FHIT: variants seen among roughly 807,000 people sequenced by gnomAD.
FHIT encodes the protein fragile histidine triad diadenosine triphosphatase.
In FHIT, 19 loss-of-function variants were observed where a neutral mutation model predicts 17.9. The observed-to-expected ratio is 1.06, with a 90% CI of 0.74 to 1.56. The LOEUF (loss-of-function observed/expected upper bound fraction) is 1.56. Among genes scored for constraint, FHIT ranks in the 40% most tolerant of loss-of-function variants. The pLI, the probability that FHIT is intolerant of heterozygous loss-of-function variation, is 0.00. For synonymous variants in FHIT, 81 were observed against 69.7 expected, an observed-to-expected ratio of 1.16 and a Z score of -0.81; for missense variants, 248 against 189.2, an observed-to-expected ratio of 1.31 and a Z score of -1.82.
intron 2 of FHIT, among the ~76,000 whole-genome samples, chr3:61,055,188 T>G (rs10510859): frequency 1.2e-4 from 18 of 151,870 alleles, no homozygotes; most frequent in African/African-American, 3.6e-4. Flanking sequence ...TGTTGAGTTT[T>G]CCTAAATCTA....
At chr3:60,072,015 T>C (rs992940899) in intron 5 of FHIT, among the ~76,000 whole-genome samples, 1 of 152,192 alleles carries the variant, frequency 6.6e-6, no homozygotes, top group African/African-American at 2.4e-5. Context: ...ACCTCTTCCC[T>C]TTATGATTTA....
intron 2 of FHIT, among the ~76,000 whole-genome samples, chr3:61,101,881 T>C (rs1197840241): frequency 6.6e-6 from 1 of 152,122 alleles, no homozygotes; most frequent in Non-Finnish European, 1.5e-5. Context: ...GTAGGAATGC[T>C]TGTGATTTTT....
At chr3:59,806,255 T>C (rs1319210050) in intron 8 of FHIT, among the ~76,000 whole-genome samples, 1 of 152,136 alleles carries the variant, frequency 6.6e-6, no homozygotes, top group Non-Finnish European at 1.5e-5. Context: ...ACATGTGTTA[T>C]GTGGCAAGAG....
intron 4 of FHIT, among the ~76,000 whole-genome samples, chr3:60,665,155 A>G (rs928322253): frequency 1.3e-5 from 2 of 151,982 alleles, no homozygotes; most frequent in African/African-American, 4.8e-5. Context: ...TGGATAACAC[A>G]TTCTGTAAAA....
intron 5 of FHIT, among the ~76,000 whole-genome samples, chr3:60,229,598 T>C (rs2107549654): frequency 6.6e-6 from 1 of 152,228 alleles, no homozygotes; most frequent in South Asian, 2.1e-4. Flanking sequence ...CTTCTGTCTT[T>C]AGAAGGGGAC....
At position 60,183,137 on chromosome 3, in the gene FHIT, C is replaced by A. The variant is rs556447745; in HGVS notation, c.104-168985G>T. Among the ~76,000 whole-genome samples the A allele has an allele frequency of 7.2e-5, 11 of 152,234 alleles. 1 individual carries two copies. Among genetic ancestry groups the A allele is most frequent in the African/African-American group, 2.6e-4 (11 of 41,546 alleles). Reference sequence around the variant, plus strand: ...AGCTGGCCAGGCACGGTGGCTCACACCTGCAATCCCAGCACTTTGGGAGGC... The same window carrying A: ...AGCTGGCCAGGCACGGTGGCTCACAACTGCAATCCCAGCACTTTGGGAGGC... On this transcript the variant is annotated intron_variant, in intron 5 of 9. Transcript: ENST00000492590.
At chr3:59,827,819 T>C (rs754008024) in intron 8 of FHIT, among the ~76,000 whole-genome samples, 2 of 152,358 alleles carry the variant, frequency 1.3e-5, no homozygotes, top group Non-Finnish European at 2.9e-5. Context: ...CTACAGATAA[T>C]GTATATTTTT....
intron 5 of FHIT, among the ~76,000 whole-genome samples, chr3:60,338,369 T>C (rs1399716601): frequency 6.6e-6 from 1 of 152,204 alleles, no homozygotes; most frequent in Non-Finnish European, 1.5e-5. Context: ...TATTTATTTA[T>C]TTACTTATTT....
chr3:60,574,705 C>T (rs2037508029), intron 4 of FHIT, among the ~76,000 whole-genome samples: 1 of 152,068 alleles, frequency 6.6e-6, no homozygotes, highest in East Asian at 1.9e-4. Context: ...CCCTGTACCC[C>T]TTCATTCCTG....
intron 7 of FHIT, among the ~76,000 whole-genome samples, chr3:59,967,387 C>T (rs1287590895): frequency 6.6e-6 from 1 of 152,106 alleles, no homozygotes; most frequent in African/African-American, 2.4e-5. Context: ...TTTTATACGA[C>T]TGGCAGCATA....
At chr3:60,041,725 G>C (rs60458864) in intron 5 of FHIT, among the ~76,000 whole-genome samples, 3 of 151,952 alleles carry the variant, frequency 2.0e-5, no homozygotes, top group Non-Finnish European at 4.4e-5. Context: ...AAGAAACTTG[G>C]ATTTCTGTTG....
intron 1 of FHIT, among the ~76,000 whole-genome samples, chr3:61,231,190 T>C (rs1311233363): frequency 4.6e-5 from 7 of 152,140 alleles, no homozygotes; most frequent in Admixed American, 3.9e-4. Context: ...TAAATAAAAA[T>C]TTCAGTTAAA....
intron 3 of FHIT, among the ~76,000 whole-genome samples, chr3:60,965,603 A>C (rs543240767): frequency 2.0e-5 from 3 of 152,216 alleles, no homozygotes; most frequent in Admixed American, 6.5e-5. Flanking sequence ...ATGGTGACGT[A>C]CACATGGGGT....
chr3:60,632,493 AT>A (rs1375977005), intron 4 of FHIT, among the ~76,000 whole-genome samples: 2 of 152,180 alleles, frequency 1.3e-5, no homozygotes, highest in African/African-American at 2.4e-5. Flanking sequence ...TCTTCTCCAA[AT>A]GCTGGCAGAT....
At chr3:60,549,102 C>G (rs1285742161) in intron 4 of FHIT, among the ~76,000 whole-genome samples, 1 of 152,094 alleles carries the variant, frequency 6.6e-6, no homozygotes, top group East Asian at 1.9e-4. Context: ...AAAAGTAATG[C>G]CTAATTTTAT....
intron 2 of FHIT, among the ~76,000 whole-genome samples, chr3:61,178,581 T>C (rs755711007): frequency 6.6e-6 from 1 of 151,362 alleles, no homozygotes; most frequent in Non-Finnish European, 1.5e-5. Flanking sequence ...ACACAGTTAA[T>C]GCAATTAAAT....
intron 5 of FHIT, among the ~76,000 whole-genome samples, chr3:60,141,508 A>C (rs1447892511): frequency 6.6e-6 from 1 of 152,196 alleles, no homozygotes; most frequent in African/African-American, 2.4e-5. Flanking sequence ...CCAGTAAAAC[A>C]GGAAGTCACT....
chr3:60,244,077 C>T (rs539909380), intron 5 of FHIT, among the ~76,000 whole-genome samples: 1 of 152,180 alleles, frequency 6.6e-6, no homozygotes, highest in South Asian at 2.1e-4. Flanking sequence ...GATACCAGTT[C>T]CCATCAAGCC....
intron 2 of FHIT, among the ~76,000 whole-genome samples, chr3:61,134,100 T>TACACATACACACACACACAC (rs2036842341): frequency 1.5e-5 from 2 of 134,876 alleles, no homozygotes; most frequent in African/African-American, 2.9e-5. Flanking sequence ...CACACACACA[T>TACACATACACACACACACAC]ACACACACAC....
Sources: gnomAD v4.1 joint callset for allele counts (sites outside exome capture counted in the v4.1 genomes callset) on GRCh38, gnomAD v4.1.1 for gene constraint, MANE v1.5 for transcripts, NCBI Gene and HGNC (gene_info 2026-07-23, HGNC 2026-07-21) for gene names.